KIF26B: variants seen among roughly 807,000 people sequenced by gnomAD.
KIF26B encodes the protein kinesin family member 26B.
In KIF26B, 63 loss-of-function variants were observed where a neutral mutation model predicts 151.2. The ratio of observed to expected loss-of-function variants is 0.42; its 90% CI spans 0.34 to 0.51. The LOEUF is 0.51. Among genes scored for constraint, KIF26B ranks in the 20% least tolerant of loss-of-function variants. The pLI is 0.07. For missense variants in KIF26B, 2,813 were observed against 2,913.6 expected (o/e 0.97, Z 0.79); for synonymous variants, 1,357 against 1,262.1 (o/e 1.08, Z -1.59).
intron 5 of KIF26B, among the ~76,000 whole-genome samples, chr1:245,590,324 C>A (rs556579604): frequency 6.6e-6 from 1 of 152,142 alleles, no homozygotes; most frequent in African/African-American, 2.4e-5. Context: ...CGGGAGGGGA[C>A]GGCCAACGCG....
chr1:245,259,230 T>C (rs1380049824), intron 2 of KIF26B, among the ~76,000 whole-genome samples: 2 of 152,234 alleles, frequency 1.3e-5, no homozygotes, highest in African/African-American at 4.8e-5. Context: ...TTCATTGTTG[T>C]ACATTTGTTG....
At chr1:245,619,776 G>GGT (rs1397380796) in intron 9 of KIF26B, among the ~76,000 whole-genome samples, 1 of 151,780 alleles carries the variant, frequency 6.6e-6, no homozygotes, top group Non-Finnish European at 1.5e-5. Context: ...AGCCAGGCAT[G>GGT]GTGGCGGGCG....
intron 4 of KIF26B, among the ~76,000 whole-genome samples, chr1:245,462,002 G>A (rs1410615466): frequency 6.6e-6 from 1 of 152,064 alleles, no homozygotes; most frequent in African/African-American, 2.4e-5. Context: ...GCATGGTGGT[G>A]CATGCCTGTA....
chr1:245,528,795 G>C (rs1661298248), intron 4 of KIF26B, among the ~76,000 whole-genome samples: 2 of 152,186 alleles, frequency 1.3e-5, no homozygotes, highest in South Asian at 4.1e-4. Context: ...CTTAGAGCAA[G>C]TCGCCACCTT....
chr1:245,433,953 G>A (rs979043816), intron 4 of KIF26B, among the ~76,000 whole-genome samples: 5 of 152,060 alleles, frequency 3.3e-5, no homozygotes, highest in Middle Eastern at 3.4e-3. Context: ...GTAGTGAAAA[G>A]GGATGTAATC....
At position 245,512,913 on chromosome 1, in the gene KIF26B, CAG is replaced by C. The variant is rs1445919373; in HGVS notation, c.1167-27852_1167-27851del. Among the ~76,000 whole-genome samples the C allele has an allele frequency of 6.6e-6, 1 of 152,046 alleles. No homozygotes were observed. Among genetic ancestry groups the C allele is most frequent in the Non-Finnish European group, 1.5e-5 (1 of 68,010 alleles). On this transcript the variant is annotated intron_variant, in intron 4 of 14. Transcript: ENST00000407071. This position sits in a 1 kb window ranked among gnomAD's most constrained non-coding sequence, Gnocchi z 4.3. ...ATCATTAAAAAACAATGACTAAAAA[CAG>C]AATAATTTTCTTACCCAAATTCCAG...
At chr1:245,277,719 G>T (rs951322304) in intron 2 of KIF26B, among the ~76,000 whole-genome samples, 1 of 152,092 alleles carries the variant, frequency 6.6e-6, no homozygotes, top group African/African-American at 2.4e-5. Context: ...GTGATTCTTT[G>T]TGCAGCCATT....
intron 3 of KIF26B, among the ~76,000 whole-genome samples, chr1:245,385,627 G>A (rs916479159): frequency 3.9e-5 from 6 of 152,162 alleles, no homozygotes; most frequent in East Asian, 1.9e-4. Context: ...TGGTATTTTC[G>A]GGAGCTGGGG....
intron 4 of KIF26B, among the ~76,000 whole-genome samples, chr1:245,528,210 A>G (rs1183078089): frequency 2.0e-5 from 3 of 152,174 alleles, no homozygotes; most frequent in African/African-American, 7.2e-5. Flanking sequence ...GCTAAAATAA[A>G]GAAGCTGGGG....
chr1:245,240,289 T>G (rs970994347), intron 2 of KIF26B, among the ~76,000 whole-genome samples: 2 of 152,198 alleles, frequency 1.3e-5, no homozygotes, highest in African/African-American at 4.8e-5. Flanking sequence ...GCTTTATTTT[T>G]CTCTTCTTAG....
intron 2 of KIF26B, among the ~76,000 whole-genome samples, chr1:245,262,189 A>G (rs901219825): frequency 1.1e-4 from 17 of 152,222 alleles, no homozygotes; most frequent in Admixed American, 9.8e-4. Context: ...ATTATTGTAC[A>G]GAACATAGGA....
At chr1:245,607,177 G>A (rs571111815) in intron 6 of KIF26B, among the ~76,000 whole-genome samples, 8 of 152,164 alleles carry the variant, frequency 5.3e-5, no homozygotes, top group South Asian at 2.1e-4. Context: ...TGAGAACTAC[G>A]GTGTTTCTCA....
intron 2 of KIF26B, chr1:245,206,913 A>G (rs1669416891): frequency 6.6e-6 from 1 of 152,244 alleles, no homozygotes; most frequent in Non-Finnish European, 1.5e-5. Flanking sequence ...GAAAATACAG[A>G]AAGATTCAGA....
At chr1:245,221,618 G>T (rs1669776053) in intron 2 of KIF26B, among the ~76,000 whole-genome samples, 1 of 152,120 alleles carries the variant, frequency 6.6e-6, no homozygotes. Context: ...TGTTGGCCAG[G>T]CTGGTCTTGA....
intron 2 of KIF26B, among the ~76,000 whole-genome samples, chr1:245,225,284 A>G (rs1011905230): frequency 6.6e-6 from 1 of 152,194 alleles, no homozygotes; most frequent in African/African-American, 2.4e-5. Context: ...TGTTTAAACC[A>G]AGGAGAAGGG....
At chr1:245,435,903 C>A (rs867155405) in intron 4 of KIF26B, among the ~76,000 whole-genome samples, 3 of 152,096 alleles carry the variant, frequency 2.0e-5, no homozygotes, top group South Asian at 2.1e-4. Context: ...GTTGGCCGGA[C>A]CCAGTGGCTC....
chr1:245,453,617 C>A (rs950615925), intron 4 of KIF26B, among the ~76,000 whole-genome samples: 2 of 152,110 alleles, frequency 1.3e-5, no homozygotes, highest in Non-Finnish European at 2.9e-5. Context: ...TAAAAATATT[C>A]ACAAGTGTTT....
chr1:245,690,098 A>T lies in KIF26B; in HGVS notation c.5824+1291A>T, dbSNP rs573234237. ...AGGCAAAAGTTCCCAAGAACAACTGAAGCTACTTGAGAATTTTGCCTGGAA... is the reference window on the plus strand; with the variant it reads ...AGGCAAAAGTTCCCAAGAACAACTGTAGCTACTTGAGAATTTTGCCTGGAA... On this transcript the variant is annotated intron_variant, in intron 12 of 14. Transcript: ENST00000407071. 2.6e-4 allele frequency among the ~76,000 whole-genome samples: 40 copies of T among 152,258 alleles called. 1 individual carries two copies. The South Asian group carries it at 8.1e-3, about 31-fold the overall frequency.
rs1191806575 is a variant in KIF26B at position 245,269,770 on chromosome 1, CT to C, written c.466-97063del. On this transcript the variant is annotated intron_variant, in intron 2 of 14. Transcript: ENST00000407071. ...GAGCCACCGCACCTGCCCCCACCCC[CT>C]GCCACCTTTTTTTTTAAAGGCTGAA... Among the ~76,000 whole-genome samples, 12 of 152,060 alleles carry C rather than the reference CT, an allele frequency of 7.9e-5. 1 individual carries two copies. The highest frequency in any genetic ancestry group is 3.9e-4 in the East Asian group (2 of 5,182).
Sources: allele counts gnomAD v4.1 joint callset (sites outside exome capture counted in the v4.1 genomes callset), GRCh38; gene constraint gnomAD v4.1.1; non-coding constraint Gnocchi (gnomAD v3.1); transcripts MANE v1.5; gene names NCBI Gene and HGNC (gene_info 2026-07-23, HGNC 2026-07-21).